Variants in TMEM132C observed in about 807,000 individuals in gnomAD.
TMEM132C encodes the protein protein phosphatase 1, regulatory subunit 152.
Under a neutral mutation model 61.4 loss-of-function variants are expected in TMEM132C, and 29 were observed. The ratio of observed to expected loss-of-function variants is 0.47; its 90% CI spans 0.35 to 0.64. TMEM132C has a LOEUF of 0.64. Among genes scored for constraint, TMEM132C ranks in the 30% least tolerant of loss-of-function variants. The pLI is 0.00. For missense variants in TMEM132C, 1,408 were observed against 1,476.9 expected, an observed-to-expected ratio of 0.95 and a Z score of 0.76; for synonymous variants, 656 against 633.1, an observed-to-expected ratio of 1.04 and a Z score of -0.54.
At chr12:128,641,955 C>T (rs1334962865) in intron 4 of TMEM132C, among the ~76,000 whole-genome samples, 7 of 145,012 alleles carry the variant, frequency 4.8e-5, no homozygotes, top group Non-Finnish European at 9.0e-5. Flanking sequence ...CCACCATGCC[C>T]GGCTAATTTT....
chr12:128,526,314 G>A (rs1260229622), intron 2 of TMEM132C, among the ~76,000 whole-genome samples: 1 of 152,204 alleles, frequency 6.6e-6, no homozygotes, highest in Admixed American at 6.5e-5. Context: ...CAAGCCACCT[G>A]CAGCTTTAGA....
At position 128,267,370 on chromosome 12, in the gene TMEM132C, G is replaced by A; in HGVS notation, c.-33G>A. The A allele has an allele frequency of 9.5e-7, 1 of 1,055,210 alleles. No individual in the cohort carries two copies. Among genetic ancestry groups the A allele is most frequent in the Non-Finnish European group, 1.1e-6 (1 of 876,022 alleles). The allele number at this position is 1,055,210 out of a possible 1,614,324, so 65.4% of individuals were successfully genotyped here. The stretch of plus-strand genomic sequence containing the variant: ...GCGGGCGGGCGCTGCGCTTCGGGCT[G>A]GCGGCGGGCTGCGTGAGCGGCCGGG... On this transcript the variant is annotated 5_prime_UTR_variant, in exon 1 of 9. It introduces an in-frame stop codon into an upstream open reading frame of the 5' UTR. Transcript: ENST00000435159.
intron 1 of TMEM132C, among the ~76,000 whole-genome samples, chr12:128,328,976 A>T (rs567243168): frequency 6.6e-6 from 1 of 151,930 alleles, no homozygotes; most frequent in Admixed American, 6.5e-5. Context: ...TGTTTTTTCC[A>T]TGTTTTCCTT....
At chr12:128,477,852 G>A (rs895664539) in intron 2 of TMEM132C, among the ~76,000 whole-genome samples, 9 of 152,114 alleles carry the variant, frequency 5.9e-5, no homozygotes, top group African/African-American at 2.2e-4. Flanking sequence ...AGAGTGCTGG[G>A]GTTATAGGCG....
rs190902940 is a variant in TMEM132C, at chr12:128,276,870, A to G, written c.85+9383A>G. ...AACTGCCTCCTGCCTCAACACACAC[A>G]TGTGTGCATGCATGTGCGTGCATGC... On this transcript the variant is annotated intron_variant, in intron 1 of 8. Transcript: ENST00000435159. Among the ~76,000 whole-genome samples the G allele has an allele frequency of 3.5e-5, 5 of 141,752 alleles. No individual in the cohort carries two copies. The Admixed American group carries it at 3.6e-4, about 10-fold the overall frequency. The allele number at this position is 141,752 out of a possible 152,430, so 93.0% of individuals were successfully genotyped here.
At position 128,305,176 on chromosome 12, in the gene TMEM132C, C is replaced by T. The variant is rs189880355; in HGVS notation, c.85+37689C>T. On this transcript the variant is annotated intron_variant, in intron 1 of 8. Coordinates refer to ENST00000435159, the MANE Select transcript of TMEM132C (RefSeq NM_001136103.3). ...GGAGGATCACTTGAGGCCAGGAGTT[C>T]GGCCTCGGCAACACAGTAGGACTCC... is the stretch of plus-strand genomic sequence containing the variant. 2.1e-4 allele frequency among the ~76,000 whole-genome samples: 32 copies of T among 151,996 alleles called. No homozygotes were observed. The East Asian group carries it at 5.0e-3, about 24-fold the overall frequency.
intron 5 of TMEM132C, among the ~76,000 whole-genome samples, chr12:128,669,806 G>T (rs1392987412): frequency 6.6e-6 from 1 of 152,136 alleles, no homozygotes; most frequent in Non-Finnish European, 1.5e-5. Context: ...AAAATTGTGT[G>T]TGTGCATATA....
At chr12:128,597,086 C>G (rs1315859148) in intron 3 of TMEM132C, among the ~76,000 whole-genome samples, 1 of 152,182 alleles carries the variant, frequency 6.6e-6, no homozygotes, top group African/African-American at 2.4e-5. Context: ...TTTTGCTTCT[C>G]CAAATCAGCT....
At chr12:128,697,767 T>C (rs1385344638) in intron 8 of TMEM132C, among the ~76,000 whole-genome samples, 1 of 152,194 alleles carries the variant, frequency 6.6e-6, no homozygotes, top group African/African-American at 2.4e-5. Context: ...CATATTCCTT[T>C]GACAGCCCAC....
rs760872130 is a variant in TMEM132C at position 128,415,272 on chromosome 12, C to T, written c.626C>T (p.Thr209Met). Reference sequence around the variant, plus strand: ...CTGTCCAGCTGGTTCAGTGCCCCGACGGTGGGTGCCGGGAGGAAGAAGTCC... The same window carrying T: ...CTGTCCAGCTGGTTCAGTGCCCCGATGGTGGGTGCCGGGAGGAAGAAGTCC... ...ELLSSWFSAP[T>M]VGAGRKKSMD... Residue 209 changes from threonine to methionine, a missense_variant, in exon 2 of 9, where the codon ACG (threonine) becomes ATG (methionine). By Grantham distance (81) the Thr-to-Met change is moderately conservative (BLOSUM62 -1). Coordinates refer to ENST00000435159, the MANE Select transcript of TMEM132C (RefSeq NM_001136103.3). The surrounding 1 kb of genome is among the most constrained non-coding windows in gnomAD (Gnocchi z 5.8). 2.4e-5 allele frequency: 38 copies of T among 1,597,782 alleles called. 1 individual carries two copies. The East Asian group carries it at 3.4e-4, about 14-fold the overall frequency.
intron 3 of TMEM132C, among the ~76,000 whole-genome samples, chr12:128,547,829 C>A (rs1296616974): frequency 1.3e-5 from 2 of 152,130 alleles, no homozygotes; most frequent in African/African-American, 4.8e-5. Flanking sequence ...GTTTTACGAC[C>A]CCCTGCCAAC....
chr12:128,288,134 C>G (rs993879486), intron 1 of TMEM132C: 2 of 151,658 alleles, frequency 1.3e-5, no homozygotes, highest in Non-Finnish European at 2.9e-5. Flanking sequence ...TCTCGGCTCA[C>G]CGCGACCTCT....
Position 128,705,285 on chromosome 12 carries a change from A to G in TMEM132C, c.2317A>G (p.Met773Val), listed in dbSNP as rs942577462. 3.9e-6 allele frequency: 6 copies of G among 1,551,430 alleles called. No individual in the cohort carries two copies. The African/African-American group carries it at 8.2e-5, about 21-fold the overall frequency. The change falls in exon 9 of 9, where the codon ATG becomes GTG. Residue 773 changes from methionine (M) to valine (V), a missense_variant. Transcript: ENST00000435159. Reference sequence around the variant, plus strand: ...CCAGGGCCCACTGATCCGAGTGGACATGACGATCGCCGAGGCCTGCCAGAA... The same window carrying G: ...CCAGGGCCCACTGATCCGAGTGGACGTGACGATCGCCGAGGCCTGCCAGAA... ...EGQGPLIRVDMTIAEACQKSK... is the reference protein window; with the variant it reads ...EGQGPLIRVDVTIAEACQKSK...
At chr12:128,521,135 C>T (rs1178116853) in intron 2 of TMEM132C, among the ~76,000 whole-genome samples, 2 of 152,120 alleles carry the variant, frequency 1.3e-5, no homozygotes, top group East Asian at 3.9e-4. Flanking sequence ...ATATTCACTG[C>T]AAGATAAAAA....
Position 128,415,282 on chromosome 12 carries a change from CG to C in TMEM132C, c.639del (p.Arg214GlyfsTer111). ...GGTTCAGTGCCCCGACGGTGGGTGC[CG>C]GGAGGAAGAAGTCCATGGACCAGCC... ...SWFSAPTVGA[G>X]RKKSMDQPEG... On this transcript the variant is annotated frameshift_variant, in exon 2 of 9. Coordinates refer to ENST00000435159, the MANE Select transcript of TMEM132C (RefSeq NM_001136103.3). LOFTEE classifies it high-confidence loss of function. This position sits in a 1 kb window ranked among gnomAD's most constrained non-coding sequence, Gnocchi z 5.8. 1 of 1,597,686 alleles carries C rather than the reference CG, an allele frequency of 6.3e-7. No homozygotes were observed. Among genetic ancestry groups the C allele is most frequent in the Non-Finnish European group, 8.5e-7 (1 of 1,172,104 alleles).
intron 1 of TMEM132C, among the ~76,000 whole-genome samples, chr12:128,396,370 GACTGGGGCCTGTCGT>G (rs1874956446): frequency 6.6e-6 from 1 of 151,374 alleles, no homozygotes; most frequent in African/African-American, 2.4e-5. Flanking sequence ...GAACATCACA[GACTGGGGCCTGTCGT>G]GGGGGTGAGG....
chr12:128,689,454 G>A (rs968785872), intron 5 of TMEM132C, among the ~76,000 whole-genome samples: 5 of 152,134 alleles, frequency 3.3e-5, no homozygotes, highest in Admixed American at 2.6e-4. Flanking sequence ...CACTGTGTAC[G>A]AGCATTTCAT....
intron 1 of TMEM132C, among the ~76,000 whole-genome samples, chr12:128,329,242 A>G (rs1172477160): frequency 6.6e-6 from 1 of 152,230 alleles, no homozygotes; most frequent in East Asian, 1.9e-4. Context: ...TCGGAGATGA[A>G]AACCCTAGTA....
intron 1 of TMEM132C, among the ~76,000 whole-genome samples, chr12:128,341,740 T>C (rs962962000): frequency 1.3e-5 from 2 of 152,166 alleles, no homozygotes; most frequent in African/African-American, 4.8e-5. Context: ...GGGGATGAGG[T>C]AGAAGTAGAG....
Sources: gnomAD v4.1 joint callset for allele counts (sites outside exome capture counted in the v4.1 genomes callset) on GRCh38, gnomAD v4.1.1 for gene constraint, Gnocchi (gnomAD v3.1) non-coding constraint, MANE v1.5 for transcripts, NCBI Gene and HGNC (gene_info 2026-07-23, HGNC 2026-07-21) for gene names.